AREG: variants seen among roughly 807,000 people sequenced by gnomAD.
AREG encodes the protein amphiregulin.
In AREG, 16 loss-of-function variants were observed where a neutral mutation model predicts 28.0. That is an observed-to-expected ratio of 0.57 (90% CI 0.39 to 0.87). AREG has a LOEUF of 0.87. AREG is among the 40% of genes least tolerant of loss of function. AREG has a pLI of 0.00. For synonymous variants in AREG, 113 were observed against 113.5 expected (o/e 1.00, Z 0.02); for missense variants, 287 against 309.1 (o/e 0.93, Z 0.53).
rs1719440263 is a variant in AREG, at chr4:74,454,906, T to C, written c.*166T>C. The C allele has an allele frequency of 3.0e-6, 2 of 672,276 alleles. No individual in the cohort carries two copies. Among genetic ancestry groups the C allele is most frequent in the East Asian group, 5.4e-5 (2 of 36,858 alleles). The allele number at this position is 672,276 out of a possible 1,614,324, so 41.6% of individuals were successfully genotyped here. A position where few individuals can be genotyped will look rare whatever the true frequency, so the allele number is the denominator to read the frequency against. Reference sequence around the variant, plus strand: ...TTTATGCTATTTCTGTATATAAAGGTGCACGAAGGTAAAAAGTATTTTTTC... The same window carrying C: ...TTTATGCTATTTCTGTATATAAAGGCGCACGAAGGTAAAAAGTATTTTTTC... On this transcript the variant is annotated 3_prime_UTR_variant, in exon 6 of 6. Coordinates refer to ENST00000395748, the MANE Select transcript of AREG (RefSeq NM_001657.4).
intron 5 of AREG, among the ~76,000 whole-genome samples, chr4:74,454,466 T>A (rs989427159): frequency 6.6e-5 from 10 of 152,240 alleles, no homozygotes; most frequent in African/African-American, 2.2e-4. Flanking sequence ...CTATTTCTCA[T>A]GACTGCTGTT....
intron 2 of AREG, among the ~76,000 whole-genome samples, chr4:74,447,472 G>A (rs1489053630): frequency 6.6e-6 from 1 of 152,258 alleles, no homozygotes; most frequent in South Asian, 2.1e-4. Context: ...CCATTTGTTA[G>A]TTATATAACC....
chr4:74,454,769 T>C lies in AREG; in HGVS notation c.*29T>C. On this transcript the variant is annotated 3_prime_UTR_variant, in exon 6 of 6. Coordinates refer to ENST00000395748, the MANE Select transcript of AREG (RefSeq NM_001657.4). ...TTTATTTTCTCACAGGATATCACAT[T>C]GGAGTCACTGCCAAGTCATAGCCAT... 1 of 697,902 alleles carries C rather than the reference T, an allele frequency of 1.4e-6. No homozygotes were observed. 43.2% of individuals were successfully genotyped at this position (697,902 alleles called of 1,614,324 possible). A position where few individuals can be genotyped will look rare whatever the true frequency, so the allele number is the denominator to read the frequency against.
Position 74,452,634 on chromosome 4 carries a change from A to C in AREG, c.756A>C (p.Ala252=). Residue 252 remains alanine, a synonymous_variant, in exon 5 of 6, where the codon GCA becomes GCC. Transcript: ENST00000395748. ...RQENGNVHAI[A] is the part of the protein sequence containing the mutation. ...AGAATGGAAATGTACATGCTATAGC[A>C]TAACTGAAGATAAAATTACAGGTTT... The C allele has an allele frequency of 1.2e-6, 2 of 1,613,158 alleles. No individual in the cohort carries two copies. Among genetic ancestry groups the C allele is most frequent in the Non-Finnish European group, 1.7e-6 (2 of 1,179,532 alleles).
Position 74,454,786 on chromosome 4 carries a change from CAT to C in AREG, c.*48_*49del. Reference sequence around the variant, plus strand: ...TATCACATTGGAGTCACTGCCAAGTCATAGCCATAAATGATGAGTCGGTCCTC... The same window carrying C: ...TATCACATTGGAGTCACTGCCAAGTCAGCCATAAATGATGAGTCGGTCCTC... On this transcript the variant is annotated 3_prime_UTR_variant, in exon 6 of 6. Transcript: ENST00000395748. 1.4e-6 allele frequency: 1 copy of C among 699,196 alleles called. No homozygotes were observed. The highest frequency in any genetic ancestry group is 2.6e-6 in the Non-Finnish European group (1 of 383,064). The allele number at this position is 699,196 out of a possible 1,614,324, so 43.3% of individuals were successfully genotyped here. A position where few individuals can be genotyped will look rare whatever the true frequency, so the allele number is the denominator to read the frequency against.
chr4:74,454,610 G>A (rs1347127711), intron 5 of AREG, 149 bp from the exon 6 acceptor site: 13 of 504,146 alleles, frequency 2.6e-5, no homozygotes, highest in Non-Finnish European at 4.1e-5. Flanking sequence ...AAAAATCTTA[G>A]CATTTCTCAA....
intron 2 of AREG, among the ~76,000 whole-genome samples, 191 bp downstream of exon 2, chr4:74,446,973 A>G (rs1719301739): frequency 6.6e-6 from 1 of 152,178 alleles, no homozygotes; most frequent in Admixed American, 6.5e-5. Flanking sequence ...GTGATCATAA[A>G]TGGTGTATGT....
intron 2 of AREG, among the ~76,000 whole-genome samples, chr4:74,447,399 T>C (rs1404090291): frequency 1.3e-5 from 2 of 152,172 alleles, no homozygotes; most frequent in Non-Finnish European, 2.9e-5. Flanking sequence ...CATCTGGAAA[T>C]ATTAAAGAAG....
rs1719441608 is a variant in AREG at position 74,454,959 on chromosome 4, A to G, written c.*219A>G. 2 of 631,162 alleles carry G rather than the reference A, an allele frequency of 3.2e-6. No homozygotes were observed. The highest frequency in any genetic ancestry group is 5.6e-6 in the Non-Finnish European group (2 of 355,684). The allele number at this position is 631,162 out of a possible 1,614,324, so 39.1% of individuals were successfully genotyped here. On this transcript the variant is annotated 3_prime_UTR_variant, in exon 6 of 6. Transcript: ENST00000395748. ...GTTGTAAATAATTTATTTAATATTT[A>G]ATGGAAGTGTATTTATTTTACAGCT...
intron 4 of AREG, among the ~76,000 whole-genome samples, chr4:74,451,718 A>G (rs1283547111): frequency 2.6e-5 from 4 of 152,212 alleles, no homozygotes; most frequent in African/African-American, 9.6e-5. Context: ...ATCGCTAGTT[A>G]AGGAAGATGT....
intron 2 of AREG, among the ~76,000 whole-genome samples, chr4:74,448,230 G>A (rs1363660875): frequency 2.6e-5 from 4 of 152,074 alleles, no homozygotes; most frequent in Admixed American, 6.5e-5. Flanking sequence ...CTTTTTTATC[G>A]TCAGAGAAAA....
In AREG at chr4:74,446,751, A is replaced by T; in HGVS notation, c.279A>T (p.Ile93=). 1 of 1,613,940 alleles carries T rather than the reference A, an allele frequency of 6.2e-7. No homozygotes were observed. Residue 93 remains isoleucine (I), a synonymous_variant, in exon 2 of 6, where the codon ATA becomes ATT. Coordinates refer to ENST00000395748, the MANE Select transcript of AREG (RefSeq NM_001657.4). ...AAGAGTATGATAACGAACCACAAAT[A>T]CCTGGCTATATTGTCGATGATTCAG... ...YSEEYDNEPQ[I]PGYIVDDSVR...
At chr4:74,453,024 T>A (rs989481582) in intron 5 of AREG, among the ~76,000 whole-genome samples, 1 of 152,138 alleles carries the variant, frequency 6.6e-6, no homozygotes, top group Non-Finnish European at 1.5e-5. Context: ...TCCAGTAGAA[T>A]TTATTTAGGG....
chr4:74,452,206 T>C (rs999915217), intron 4 of AREG, among the ~76,000 whole-genome samples: 9 of 152,192 alleles, frequency 5.9e-5, no homozygotes, highest in Non-Finnish European at 1.2e-4. Flanking sequence ...AGTTCTCCTA[T>C]GGCAAAACTA....
intron 4 of AREG, among the ~76,000 whole-genome samples, chr4:74,451,282 C>T (rs1255167308): frequency 2.6e-5 from 4 of 152,122 alleles, no homozygotes; most frequent in African/African-American, 9.7e-5. Context: ...ATCAAAATGG[C>T]ATTGTCTGTC....
chr4:74,446,621 A>C lies in AREG; in HGVS notation c.149A>C (p.Glu50Ala). 1 of 1,613,922 alleles carries C rather than the reference A, an allele frequency of 6.2e-7. No individual in the cohort carries two copies. Among genetic ancestry groups the C allele is most frequent in the Non-Finnish European group, 8.5e-7 (1 of 1,179,862 alleles). Reference protein sequence around the residue: ...FSGDHSADGFEVTSRSEMSSG... With the variant: ...FSGDHSADGFAVTSRSEMSSG... Reference sequence around the variant, plus strand: ...GGGGACCACAGTGCTGATGGATTTGAGGTTACCTCAAGAAGTGAGATGTCT... The same window carrying C: ...GGGGACCACAGTGCTGATGGATTTGCGGTTACCTCAAGAAGTGAGATGTCT... The change falls in exon 2 of 6, where the codon GAG (glutamate) becomes GCG (alanine). Residue 50 changes from glutamate to alanine, a missense_variant. Glu to Ala is a moderately radical substitution (Grantham distance 107). Transcript: ENST00000395748.
chr4:74,447,176 A>G (rs1719306623), intron 2 of AREG, among the ~76,000 whole-genome samples: 2 of 152,344 alleles, frequency 1.3e-5, no homozygotes, highest in East Asian at 1.9e-4. Flanking sequence ...ACTATGCTAC[A>G]TGACCCCCAT....
intron 4 of AREG, 97 bp from the exon 5 acceptor site, chr4:74,452,447 T>C: frequency 1.4e-6 from 2 of 1,393,708 alleles, no homozygotes; most frequent in Non-Finnish European, 2.0e-6. Flanking sequence ...GGTCTATCAC[T>C]ACTCATGAAG....
rs1001384107 is a variant in AREG, at chr4:74,452,629, A to G, written c.751A>G (p.Ile251Val). 105 of 1,613,284 alleles carry G rather than the reference A, an allele frequency of 6.5e-5. No homozygotes were observed. Among genetic ancestry groups the G allele is most frequent in the Non-Finnish European group, 8.2e-5 (97 of 1,179,618 alleles). ...LRQENGNVHA[I>V]A Reference sequence around the variant, plus strand: ...ACAAGAGAATGGAAATGTACATGCTATAGCATAACTGAAGATAAAATTACA... The same window carrying G: ...ACAAGAGAATGGAAATGTACATGCTGTAGCATAACTGAAGATAAAATTACA... The change falls in exon 5 of 6, where the codon ATA becomes GTA. Residue 251 changes from isoleucine to valine, a missense_variant. Transcript: ENST00000395748.
Sources: gnomAD v4.1 joint callset for allele counts (sites outside exome capture counted in the v4.1 genomes callset) on GRCh38, gnomAD v4.1.1 for gene constraint, MANE v1.5 for transcripts, NCBI Gene and HGNC (gene_info 2026-07-23, HGNC 2026-07-21) for gene names.